Variants in DLG2 observed in about 807,000 individuals in gnomAD.
DLG2 encodes disks large homolog 2.
A neutral mutation model predicts 132.5 loss-of-function variants in DLG2; 45 were observed. The ratio of observed to expected loss-of-function variants is 0.34; its 90% CI spans 0.27 to 0.44. DLG2 has a LOEUF of 0.44. DLG2 is among the 20% of genes least tolerant of loss of function. The pLI is 1.00. For missense variants in DLG2, 1,045 were observed against 1,196.9 expected, an observed-to-expected ratio of 0.87 and a Z score of 1.87; for synonymous variants, 424 against 419.6, an observed-to-expected ratio of 1.01 and a Z score of -0.13.
chr11:85,111,596 A>C, intron 6 of DLG2, 65 bp downstream of exon 6: 1 of 1,355,038 alleles, frequency 7.4e-7, no homozygotes, highest in Non-Finnish European at 1.0e-6. Flanking sequence ...CATTCCACTA[A>C]GATTATTCCA....
At chr11:84,991,228 T>C (rs2057063694) in intron 6 of DLG2, among the ~76,000 whole-genome samples, 2 of 152,082 alleles carry the variant, frequency 1.3e-5, no homozygotes, top group Non-Finnish European at 2.9e-5. Context: ...AAAGTGGGGA[T>C]GTTGGGCATA....
chr11:84,708,427 C>T lies in DLG2; in HGVS notation c.358-173696G>A, dbSNP rs79313608. ...AATCCCCATTTTTAGTCTCTTAAAC[C>T]TTATGACCACTTTCTCTAAGACCGT... is the stretch of plus-strand genomic sequence containing the variant. On this transcript the variant is annotated intron_variant, in intron 6 of 27. Transcript: ENST00000376104. Among the ~76,000 whole-genome samples, 1,355 of 151,986 alleles carry T rather than the reference C, an allele frequency of 8.9e-3. 11 individuals are homozygous for T. Among genetic ancestry groups the T allele is most frequent in the African/African-American group, 0.012 (499 of 41,518 alleles).
chr11:83,661,577 C>A (rs1341667221), intron 18 of DLG2, among the ~76,000 whole-genome samples: 3 of 151,908 alleles, frequency 2.0e-5, no homozygotes, highest in African/African-American at 7.3e-5. Flanking sequence ...TGGTTAGAAA[C>A]AGCAACAGAA....
At chr11:85,541,526 G>A (rs567482907) in intron 3 of DLG2, among the ~76,000 whole-genome samples, 8 of 150,976 alleles carry the variant, frequency 5.3e-5, no homozygotes, top group African/African-American at 1.9e-4. Context: ...ATACTAATGG[G>A]CCCTATATGA....
chr11:83,605,622 A>G (rs1475813801), intron 19 of DLG2, among the ~76,000 whole-genome samples: 1 of 152,234 alleles, frequency 6.6e-6, no homozygotes, highest in East Asian at 1.9e-4. Flanking sequence ...ATATGAAGTA[A>G]CTGAGACTCG....
chr11:84,928,299 T>C (rs1157227594), intron 6 of DLG2, among the ~76,000 whole-genome samples: 1 of 151,926 alleles, frequency 6.6e-6, no homozygotes, highest in Non-Finnish European at 1.5e-5. Flanking sequence ...GACCTTGGTT[T>C]AAATTCCTTT....
At chr11:83,671,824 A>C (rs2076872444) in intron 18 of DLG2, among the ~76,000 whole-genome samples, 1 of 152,192 alleles carries the variant, frequency 6.6e-6, no homozygotes, top group South Asian at 2.1e-4. Flanking sequence ...TATTACCAAT[A>C]ACTTTTCACC....
At chr11:83,835,189 C>T (rs769317165) in intron 16 of DLG2, among the ~76,000 whole-genome samples, 7 of 152,100 alleles carry the variant, frequency 4.6e-5, no homozygotes, top group Non-Finnish European at 8.8e-5. Flanking sequence ...ACCTACTGTG[C>T]CAGGAAGGTG....
At chr11:84,072,910 C>G (rs917595206) in intron 10 of DLG2, among the ~76,000 whole-genome samples, 1 of 152,052 alleles carries the variant, frequency 6.6e-6, no homozygotes, top group Non-Finnish European at 1.5e-5. Flanking sequence ...GAGAAGGGGA[C>G]AGACATGGAG....
At chr11:84,213,035 A>G (rs1290599658) in intron 8 of DLG2, among the ~76,000 whole-genome samples, 1 of 152,146 alleles carries the variant, frequency 6.6e-6, no homozygotes, top group Non-Finnish European at 1.5e-5. Context: ...TGTGAGCCAC[A>G]CTGTTATTAT....
intron 6 of DLG2, among the ~76,000 whole-genome samples, chr11:84,611,429 A>G (rs1274258488): frequency 6.6e-6 from 1 of 152,106 alleles, no homozygotes; most frequent in African/African-American, 2.4e-5. Flanking sequence ...AACAGTATAT[A>G]CAGATGAACA....
At chr11:83,483,860 G>A (rs2093325920) in intron 22 of DLG2, among the ~76,000 whole-genome samples, 1 of 152,090 alleles carries the variant, frequency 6.6e-6, no homozygotes, top group African/African-American at 2.4e-5. Context: ...AAGGCAAACC[G>A]GACCCAGTCC....
chr11:85,318,949 C>T (rs2080870756), intron 3 of DLG2, among the ~76,000 whole-genome samples: 1 of 151,820 alleles, frequency 6.6e-6, no homozygotes, highest in African/African-American at 2.4e-5. Flanking sequence ...CAAATAAAGC[C>T]ATCACTAACA....
At chr11:85,532,735 T>C (rs1192181853) in intron 3 of DLG2, among the ~76,000 whole-genome samples, 5 of 152,216 alleles carry the variant, frequency 3.3e-5, no homozygotes, top group Non-Finnish European at 5.9e-5. Flanking sequence ...AAGGTAAGAA[T>C]TCTCTTATAT....
intron 3 of DLG2, among the ~76,000 whole-genome samples, chr11:85,563,515 G>A (rs2077367913): frequency 6.6e-6 from 1 of 151,452 alleles, no homozygotes; most frequent in Admixed American, 6.6e-5. Context: ...TTTCTGTCAA[G>A]ACATACTAGA....
intron 18 of DLG2, among the ~76,000 whole-genome samples, chr11:83,727,552 T>C (rs1409473046): frequency 2.0e-5 from 3 of 152,210 alleles, no homozygotes; most frequent in Non-Finnish European, 2.9e-5. Context: ...TGCCTTCTAC[T>C]GGACACCTCT....
At chr11:85,540,880 G>A (rs2075919161) in intron 3 of DLG2, among the ~76,000 whole-genome samples, 1 of 152,226 alleles carries the variant, frequency 6.6e-6, no homozygotes, top group South Asian at 2.1e-4. Flanking sequence ...CCTGTTGCAC[G>A]CCCTGCGAGG....
chr11:83,928,002 A>T (rs2079314050), intron 15 of DLG2, among the ~76,000 whole-genome samples: 1 of 152,088 alleles, frequency 6.6e-6, no homozygotes, highest in African/African-American at 2.4e-5. Flanking sequence ...GGAGGAGCAA[A>T]GTGGGGTGAA....
intron 7 of DLG2, among the ~76,000 whole-genome samples, chr11:84,394,041 A>T (rs2098802371): frequency 6.6e-6 from 1 of 151,900 alleles, no homozygotes; most frequent in Admixed American, 6.6e-5. Flanking sequence ...ATGCATCAAC[A>T]CGCCCAGCTA....
Sources: gnomAD v4.1 joint callset for allele counts (sites outside exome capture counted in the v4.1 genomes callset) on GRCh38, gnomAD v4.1.1 for gene constraint, MANE v1.5 for transcripts, NCBI Gene and HGNC (gene_info 2026-07-23, HGNC 2026-07-21) for gene names.